Variants in PFKFB3 observed in about 807,000 individuals in gnomAD.
PFKFB3 encodes 6-phosphofructo-2-kinase/fructose-2,6-biphosphatase 3, also known as 6-phosphofructo-2-kinase/fructose-2,6-bisphosphatase 3.
PFKFB3 carries 33 observed loss-of-function variants against 68.0 expected under a neutral mutation model. The ratio of observed to expected loss-of-function variants is 0.49; its 90% CI spans 0.37 to 0.65. The LOEUF (loss-of-function observed/expected upper bound fraction) is 0.65, where lower values mean the gene tolerates loss of function less well. Among genes scored for constraint, PFKFB3 ranks in the 30% least tolerant of loss-of-function variants. PFKFB3 has a pLI of 0.00. For missense variants in PFKFB3, 586 were observed against 712.2 expected, an observed-to-expected ratio of 0.82 and a Z score of 2.02; for synonymous variants, 315 against 288.2, an observed-to-expected ratio of 1.09 and a Z score of -0.94.
chr10:6,267,952 C>T, the PFKFB3 span, among the ~76,000 whole-genome samples: 13 of 14,286 alleles, frequency 9.1e-4, no homozygotes, highest in East Asian at 0.013. Flanking sequence ...GAGACCCTAT[C>T]TCAAAAAAAA....
At chr10:6,312,601 GA>G in the PFKFB3 span, among the ~76,000 whole-genome samples, 1 of 152,156 alleles carries the variant, frequency 6.6e-6, no homozygotes, top group African/African-American at 2.4e-5. Flanking sequence ...ACACCTTCCA[GA>G]AAAAAGATCT....
intron 1 of PFKFB3, among the ~76,000 whole-genome samples, chr10:6,196,774 C>T (rs1352311350): frequency 6.6e-6 from 1 of 152,030 alleles, no homozygotes; most frequent in Non-Finnish European, 1.5e-5. Flanking sequence ...CCCTCACAGA[C>T]ACACCCAGGA....
At chr10:6,202,895 C>G (rs11257234), upstream of PFKFB3, 6,122 of 1,124,316 alleles carry the variant, frequency 5.4e-3, 58 homozygotes, top group East Asian at 0.052. Flanking sequence ...GCGGCCAGCC[C>G]GGACTCTTTA....
the PFKFB3 span, among the ~76,000 whole-genome samples, chr10:6,273,279 G>A: frequency 6.6e-6 from 1 of 152,012 alleles, no homozygotes; most frequent in African/African-American, 2.4e-5. Flanking sequence ...AGAAGCAGCT[G>A]CCCACCAAAA....
At chr10:6,305,062 A>G in the PFKFB3 span, among the ~76,000 whole-genome samples, 2 of 115,982 alleles carry the variant, frequency 1.7e-5, no homozygotes, top group African/African-American at 6.9e-5. Context: ...TCATCTCACT[A>G]TGTTGCCCAG....
chr10:6,314,631 T>C, the PFKFB3 span, among the ~76,000 whole-genome samples: 1 of 152,222 alleles, frequency 6.6e-6, no homozygotes, highest in African/African-American at 2.4e-5. Flanking sequence ...GGTTTTAAAC[T>C]GGCTTTTACT....
At chr10:6,259,417 T>C (rs543884439), downstream of PFKFB3, among the ~76,000 whole-genome samples, 1 of 151,310 alleles carries the variant, frequency 6.6e-6, no homozygotes, top group East Asian at 2.0e-4. Context: ...CACCCATCCA[T>C]CTACTCATCC....
chr10:6,184,077 G>C (rs1249535497), intron 1 of PFKFB3, among the ~76,000 whole-genome samples: 1 of 150,470 alleles, frequency 6.6e-6, no homozygotes, highest in African/African-American at 2.5e-5. Flanking sequence ...TTTTGAGACA[G>C]AATCTTGCTC....
chr10:6,287,344 C>A, the PFKFB3 span, among the ~76,000 whole-genome samples: 1 of 152,122 alleles, frequency 6.6e-6, no homozygotes, highest in Non-Finnish European at 1.5e-5. Flanking sequence ...CCTGCCCGGG[C>A]CTCTCAAAGT....
rs952776521 is a variant in PFKFB3, at chr10:6,235,055, G to T, written c.*2113G>T. On this transcript the variant is annotated 3_prime_UTR_variant, in exon 15 of 15. Coordinates refer to ENST00000379775, the MANE Select transcript of PFKFB3 (RefSeq NM_004566.4). The stretch of plus-strand genomic sequence containing the variant: ...GGGGTTGGGTTTGAGCTACAGTCAT[G>T]AACTTTTGGCGTCTACTGATTCCTC... 2.6e-5 allele frequency: 4 copies of T among 152,652 alleles called. No individual in the cohort carries two copies. Among genetic ancestry groups the T allele is most frequent in the African/African-American group, 9.7e-5 (4 of 41,414 alleles). The allele number at this position is 152,652 out of a possible 1,614,324, so 9.5% of individuals were successfully genotyped here.
intron 1 of PFKFB3, among the ~76,000 whole-genome samples, chr10:6,176,289 T>C (rs1842467619): frequency 6.6e-6 from 1 of 151,480 alleles, no homozygotes; most frequent in Non-Finnish European, 1.5e-5. Flanking sequence ...GAGGTGGTGA[T>C]GGGAGGGGGC....
At chr10:6,262,417 T>C in the PFKFB3 span, among the ~76,000 whole-genome samples, 2 of 122,826 alleles carry the variant, frequency 1.6e-5, no homozygotes, top group African/African-American at 3.2e-5. Context: ...ATCACACCAC[T>C]GCACTCCAGC....
chr10:6,191,052 G>A (rs911508827), intron 1 of PFKFB3, among the ~76,000 whole-genome samples: 1 of 152,110 alleles, frequency 6.6e-6, no homozygotes, highest in East Asian at 1.9e-4. Flanking sequence ...AAAGTGCTGG[G>A]ATTACAAGGG....
At chr10:6,282,633 C>T in the PFKFB3 span, among the ~76,000 whole-genome samples, 1 of 151,982 alleles carries the variant, frequency 6.6e-6, no homozygotes, top group African/African-American at 2.4e-5. Flanking sequence ...TCTCTGAGGA[C>T]AAGATAAAAG....
intron 1 of PFKFB3, among the ~76,000 whole-genome samples, chr10:6,186,962 C>T (rs545686373): frequency 6.6e-6 from 1 of 152,306 alleles, no homozygotes; most frequent in East Asian, 1.9e-4. Flanking sequence ...AGCTCAGAGG[C>T]TATGTTGCCT....
At chr10:6,301,962 C>G in the PFKFB3 span, among the ~76,000 whole-genome samples, 22 of 152,158 alleles carry the variant, frequency 1.4e-4, no homozygotes, top group Admixed American at 1.4e-3. Context: ...GATCATTTTG[C>G]TTTATCCACT....
chr10:6,308,522 TAAATA>T, the PFKFB3 span, among the ~76,000 whole-genome samples: 3 of 152,126 alleles, frequency 2.0e-5, no homozygotes, highest in East Asian at 1.9e-4. Context: ...TCTCAAAAAA[TAAATA>T]AAATAAACAG....
intron 1 of PFKFB3, among the ~76,000 whole-genome samples, chr10:6,210,064 T>C (rs1844071007): frequency 1.2e-5 from 1 of 81,148 alleles, no homozygotes; most frequent in Admixed American, 1.4e-4. Flanking sequence ...ATACTTATCT[T>C]TTCTAATCAC....
chr10:6,178,722 T>C (rs927697391), intron 1 of PFKFB3, among the ~76,000 whole-genome samples: 12 of 152,214 alleles, frequency 7.9e-5, no homozygotes, highest in Non-Finnish European at 1.5e-4. Context: ...GATTTACTGC[T>C]GTCAGAGCCA....
Sources: gnomAD v4.1 joint callset for allele counts (sites outside exome capture counted in the v4.1 genomes callset) on GRCh38, gnomAD v4.1.1 for gene constraint, MANE v1.5 for transcripts, NCBI Gene and HGNC (gene_info 2026-07-23, HGNC 2026-07-21) for gene names.